The following SAMSN1 variants were observed in gnomAD, a reference collection of about 807,000 sequenced individuals.
The protein encoded by SAMSN1 is SAM domain, SH3 domain and nuclear localization signals 1.
In SAMSN1, 31 loss-of-function variants were observed where a neutral mutation model predicts 42.0. The observed-to-expected ratio is 0.74, with a 90% confidence interval of 0.55 to 1.00. The LOEUF (loss-of-function observed/expected upper bound fraction) is 1.00, where lower values mean the gene tolerates loss of function less well. SAMSN1 is among the 50% of genes least tolerant of loss of function. SAMSN1 has a pLI of 0.00. For missense variants in SAMSN1, 464 were observed against 439.4 expected (o/e 1.06, Z -0.50); for synonymous variants, 178 against 151.9 (o/e 1.17, Z -1.26).
chr21:14,593,369 T>C (rs1982150197), intron 7 of SAMSN1, among the ~76,000 whole-genome samples: 2 of 152,142 alleles, frequency 1.3e-5, no homozygotes, highest in African/African-American at 4.8e-5. Flanking sequence ...AGTTGTTTCA[T>C]ATCAATAATG....
At chr21:14,656,471 G>A (rs1366266693) in intron 1 of SAMSN1, among the ~76,000 whole-genome samples, 1 of 151,770 alleles carries the variant, frequency 6.6e-6, no homozygotes, top group Non-Finnish European at 1.5e-5. Context: ...GGGTTACAAA[G>A]ACATGTTAAA....
intron 1 of SAMSN1, among the ~76,000 whole-genome samples, chr21:14,526,954 G>A (rs2822745): frequency 0.27 from 41,589 of 152,070 alleles, 6,632 homozygotes; most frequent in Non-Finnish European, 0.34. Flanking sequence ...GGAGTCTTCA[G>A]ATGAAATCTC....
intron 2 of SAMSN1, among the ~76,000 whole-genome samples, chr21:14,562,565 T>C (rs770363997): frequency 1.5e-4 from 22 of 150,238 alleles, no homozygotes; most frequent in Admixed American, 5.3e-4. Context: ...TATAATACTA[T>C]ATAATATGGA....
At chr21:14,606,416 T>A (rs1982573070) in intron 5 of SAMSN1, among the ~76,000 whole-genome samples, 1 of 152,194 alleles carries the variant, frequency 6.6e-6, no homozygotes, top group Non-Finnish European at 1.5e-5. Flanking sequence ...ATATGAAAAC[T>A]CTGTTCTTGA....
intron 1 of SAMSN1, among the ~76,000 whole-genome samples, chr21:14,649,829 AATG>A (rs1983800490): frequency 2.0e-5 from 3 of 151,842 alleles, no homozygotes; most frequent in African/African-American, 7.3e-5. Context: ...AAAGAGAGAA[AATG>A]AAGGGATGGA....
intron 3 of SAMSN1, among the ~76,000 whole-genome samples, chr21:14,613,305 T>A (rs1161128349): frequency 6.6e-6 from 1 of 152,100 alleles, no homozygotes; most frequent in Non-Finnish European, 1.5e-5. Context: ...AAATAAAAGA[T>A]CTGGAAAATA....
At chr21:14,645,694 A>T (rs1600982619) in intron 1 of SAMSN1, among the ~76,000 whole-genome samples, 1 of 152,350 alleles carries the variant, frequency 6.6e-6, no homozygotes, top group Middle Eastern at 3.4e-3. Flanking sequence ...AATCCTGGAG[A>T]AAGAGATATG....
At chr21:14,531,038 T>C (rs1979236311) in intron 1 of SAMSN1, among the ~76,000 whole-genome samples, 1 of 152,100 alleles carries the variant, frequency 6.6e-6, no homozygotes, top group Non-Finnish European at 1.5e-5. Flanking sequence ...ACTATTTTAA[T>C]TCTATAACTA....
chr21:14,577,284 A>T (rs10854323), intron 2 of SAMSN1, among the ~76,000 whole-genome samples: 18,519 of 53,636 alleles, frequency 0.35, 3,533 homozygotes, highest in African/African-American at 0.47. Context: ...ATATATATAT[A>T]TTTTTTTTTT....
At chr21:14,559,635 G>A (rs1980879163) in intron 2 of SAMSN1, among the ~76,000 whole-genome samples, 1 of 151,986 alleles carries the variant, frequency 6.6e-6, no homozygotes, top group African/African-American at 2.4e-5. Context: ...GTATTGCTAG[G>A]ACTACAGGTG....
intron 7 of SAMSN1, among the ~76,000 whole-genome samples, chr21:14,494,731 C>T (rs1329743907): frequency 2.6e-5 from 4 of 151,536 alleles, no homozygotes; most frequent in Non-Finnish European, 2.9e-5. Context: ...AAGTGTAATC[C>T]AGTTTACATT....
chr21:14,656,814 C>A (rs1983923967), intron 1 of SAMSN1, among the ~76,000 whole-genome samples: 2 of 151,780 alleles, frequency 1.3e-5, no homozygotes, highest in African/African-American at 4.8e-5. Context: ...AGATGTTTAA[C>A]TCTTTCATTC....
At chr21:14,488,283 C>T (rs1049987913) in intron 7 of SAMSN1, among the ~76,000 whole-genome samples, 1 of 152,072 alleles carries the variant, frequency 6.6e-6, no homozygotes, top group Non-Finnish European at 1.5e-5. Flanking sequence ...AATATTACCT[C>T]AATGCAAAAT....
chr21:14,600,516 G>A (rs926791973), intron 6 of SAMSN1, among the ~76,000 whole-genome samples: 3 of 152,110 alleles, frequency 2.0e-5, no homozygotes, highest in Non-Finnish European at 4.4e-5. Context: ...CAGTTGAATG[G>A]TTACCATTTG....
intron 2 of SAMSN1, among the ~76,000 whole-genome samples, chr21:14,622,272 C>G (rs402024): frequency 0.19 from 28,901 of 152,218 alleles, 4,059 homozygotes; most frequent in African/African-American, 0.4. Context: ...GCTGGATGGA[C>G]AATGACTTTG....
intron 7 of SAMSN1, among the ~76,000 whole-genome samples, chr21:14,497,956 C>T (rs1015484422): frequency 1.3e-5 from 2 of 152,116 alleles, no homozygotes; most frequent in African/African-American, 2.4e-5. Context: ...AATATTTTTG[C>T]AAGCTATTAT....
intron 2 of SAMSN1, among the ~76,000 whole-genome samples, chr21:14,637,145 A>G (rs1009958110): frequency 5.9e-5 from 9 of 152,212 alleles, no homozygotes; most frequent in African/African-American, 2.2e-4. Context: ...TGGCTGATAC[A>G]ACTTAGGAAG....
At chr21:14,614,224 A>G (rs1223873726) in intron 3 of SAMSN1, among the ~76,000 whole-genome samples, 7 of 152,180 alleles carry the variant, frequency 4.6e-5, no homozygotes, top group Non-Finnish European at 8.8e-5. Flanking sequence ...TTTTAATAAC[A>G]TACACTGAAG....
chr21:14,520,250 G>A (rs1978367521), intron 2 of SAMSN1, among the ~76,000 whole-genome samples: 1 of 152,176 alleles, frequency 6.6e-6, no homozygotes, highest in Non-Finnish European at 1.5e-5. Context: ...ATGTTTCAGT[G>A]TACATTGAAG....
Sources: allele counts gnomAD v4.1 joint callset (sites outside exome capture counted in the v4.1 genomes callset), GRCh38; gene constraint gnomAD v4.1.1; transcripts MANE v1.5; gene names NCBI Gene and HGNC (gene_info 2026-07-23, HGNC 2026-07-21).